Variants in CACNA1B observed in about 807,000 individuals in gnomAD.
CACNA1B encodes the protein voltage-dependent N-type calcium channel subunit alpha-1B.
Under a neutral mutation model 247.2 loss-of-function variants are expected in CACNA1B, and 70 were observed. That is an observed-to-expected ratio of 0.28 (90% CI 0.23 to 0.35). CACNA1B has a LOEUF of 0.35. CACNA1B is among the 10% of genes least tolerant of loss of function. The probability of loss-of-function intolerance (pLI) is 1.00; values close to 1 mark genes in which losing one functional copy is unlikely to be tolerated. For missense variants in CACNA1B, 2,367 were observed against 3,197.4 expected, an observed-to-expected ratio of 0.74 and a Z score of 6.26; for synonymous variants, 1,231 against 1,294.4, an observed-to-expected ratio of 0.95 and a Z score of 1.05.
chr9:137,912,146 A>C (rs952638717), intron 3 of CACNA1B, among the ~76,000 whole-genome samples: 3 of 152,222 alleles, frequency 2.0e-5, no homozygotes, highest in Admixed American at 1.3e-4. Context: ...AGGCAGTTGT[A>C]TATATGAGCC....
chr9:138,107,490 A>G (rs1474282440), intron 39 of CACNA1B, among the ~76,000 whole-genome samples: 3 of 151,602 alleles, frequency 2.0e-5, no homozygotes, highest in Non-Finnish European at 4.4e-5. Flanking sequence ...TCCTTATCCC[A>G]TTTCTGATTC....
intron 6 of CACNA1B, among the ~76,000 whole-genome samples, chr9:137,924,872 G>C (rs1261924306): frequency 6.6e-6 from 1 of 152,238 alleles, no homozygotes; most frequent in Non-Finnish European, 1.5e-5. Context: ...CACAGGGGAT[G>C]AAAGGAAGCG....
Position 138,006,817 on chromosome 9 carries a change from G to C in CACNA1B, c.2025G>C (p.Ser675=). ...WNAVMYHGIE[S]QGGVSKGMFS... is the part of the protein sequence containing the mutation. ...CAGTGATGTATCACGGGATCGAATC[G>C]CAAGGCGGCGTCAGCAAAGGCATGT... Residue 675 remains serine (S), a synonymous_variant, in exon 16 of 47, where the codon TCG becomes TCC. Coordinates refer to ENST00000371372, the MANE Select transcript of CACNA1B (RefSeq NM_000718.4). 6.2e-7 allele frequency: 1 copy of C among 1,611,806 alleles called. No individual in the cohort carries two copies. Among genetic ancestry groups the C allele is most frequent in the East Asian group, 2.2e-5 (1 of 44,880 alleles).
rs996202915 is a variant in CACNA1B, at chr9:137,973,362, G to A, written c.1543+1770G>A. 6.6e-6 allele frequency among the ~76,000 whole-genome samples: 1 copy of A among 152,204 alleles called. No homozygotes were observed. The highest frequency in any genetic ancestry group is 1.5e-5 in the Non-Finnish European group (1 of 68,036). On this transcript the variant is annotated intron_variant, in intron 11 of 46. Transcript: ENST00000371372. This position sits in a 1 kb window ranked among gnomAD's most constrained non-coding sequence, Gnocchi z 4.1. Reference sequence around the variant, plus strand: ...GTAGGACAGGCTTGCCAGAGGCGAGGGGGTGTGGCCGCCCAGCCTAGAGCA... The same window carrying A: ...GTAGGACAGGCTTGCCAGAGGCGAGAGGGTGTGGCCGCCCAGCCTAGAGCA...
At chr9:138,041,175 T>TA (rs1959116201) in intron 20 of CACNA1B, among the ~76,000 whole-genome samples, 2 of 152,202 alleles carry the variant, frequency 1.3e-5, no homozygotes, top group Non-Finnish European at 2.9e-5. Flanking sequence ...AGTCCAGGCT[T>TA]ACTTTAGCCC....
chr9:138,086,267 G>T (rs1960690340), intron 36 of CACNA1B, among the ~76,000 whole-genome samples: 1 of 151,224 alleles, frequency 6.6e-6, no homozygotes, highest in Non-Finnish European at 1.5e-5. Flanking sequence ...CACATATAGA[G>T]TGAAAGTAAA....
intron 15 of CACNA1B, among the ~76,000 whole-genome samples, chr9:138,000,250 C>T (rs545366057): frequency 2.0e-5 from 3 of 152,110 alleles, no homozygotes; most frequent in South Asian, 2.1e-4. Flanking sequence ...AGGCGCCCGC[C>T]ACTACGCCCG....
intron 31 of CACNA1B, among the ~76,000 whole-genome samples, chr9:138,063,524 T>G (rs1959808561): frequency 6.6e-6 from 1 of 152,190 alleles, no homozygotes; most frequent in South Asian, 2.1e-4. Context: ...TCCAAATGAT[T>G]AAGAGTACCT....
Position 137,962,596 on chromosome 9 carries a change from A to G in CACNA1B, c.1333+4909A>G, listed in dbSNP as rs958945019. On this transcript the variant is annotated intron_variant, in intron 10 of 46. Coordinates refer to ENST00000371372, the MANE Select transcript of CACNA1B (RefSeq NM_000718.4). ...TCTGGTATGTTATATCTTTGTTCTC[A>G]TTAGTTTCAAAGAACTTTTTGATTT... is the stretch of plus-strand genomic sequence containing the variant. Among the ~76,000 whole-genome samples, 11 of 152,202 alleles carry G rather than the reference A, an allele frequency of 7.2e-5. No individual in the cohort carries two copies. The East Asian group carries it at 2.1e-3, about 29-fold the overall frequency.
chr9:137,994,708 T>C (rs1401890687), intron 15 of CACNA1B, among the ~76,000 whole-genome samples: 2 of 152,184 alleles, frequency 1.3e-5, no homozygotes, highest in African/African-American at 4.8e-5. Flanking sequence ...AAAGAAATCA[T>C]AGACGACACA....
chr9:137,930,237 T>C (rs1490719391), intron 6 of CACNA1B, among the ~76,000 whole-genome samples: 1 of 152,250 alleles, frequency 6.6e-6, no homozygotes, highest in Non-Finnish European at 1.5e-5. Flanking sequence ...TGTAGGTCTA[T>C]ATGTTTTCCT....
chr9:138,017,078 T>TCTCTCAGAA (rs1958802299), intron 18 of CACNA1B: 1 of 509,604 alleles, frequency 2.0e-6, no homozygotes, highest in South Asian at 1.4e-5. Context: ...TGTCACTGGT[T>TCTCTCAGAA]CTCTCAGAAC....
chr9:138,097,768 A>AC (rs1176443413), intron 37 of CACNA1B, among the ~76,000 whole-genome samples: 16 of 151,786 alleles, frequency 1.1e-4, no homozygotes, highest in Non-Finnish European at 1.8e-4. Flanking sequence ...ACGTGGTCAG[A>AC]CCCCTCATGG....
intron 3 of CACNA1B, among the ~76,000 whole-genome samples, chr9:137,907,167 C>T (rs1396278841): frequency 6.6e-6 from 1 of 152,198 alleles, no homozygotes; most frequent in African/African-American, 2.4e-5. Flanking sequence ...TTTCACAGCT[C>T]TCCTCTACCC....
Position 137,919,491 on chromosome 9 carries a change from C to T in CACNA1B, c.966+2060C>T, listed in dbSNP as rs78612861. Among the ~76,000 whole-genome samples, 17 of 152,352 alleles carry T rather than the reference C, an allele frequency of 1.1e-4. No individual in the cohort carries two copies. The East Asian group carries it at 3.1e-3, about 28-fold the overall frequency. On this transcript the variant is annotated intron_variant, in intron 6 of 46. Coordinates refer to ENST00000371372, the MANE Select transcript of CACNA1B (RefSeq NM_000718.4). This position sits in a 1 kb window ranked among gnomAD's most constrained non-coding sequence, Gnocchi z 4.6. ...CACACAAGGCCCCAGAGCAGGTAGCCAAGAACCGACCAGTCCGCTCCTCCA... is the reference window on the plus strand; with the variant it reads ...CACACAAGGCCCCAGAGCAGGTAGCTAAGAACCGACCAGTCCGCTCCTCCA...
intron 36 of CACNA1B, among the ~76,000 whole-genome samples, chr9:138,095,944 G>A (rs182843345): frequency 2.0e-5 from 3 of 151,690 alleles, no homozygotes; most frequent in South Asian, 4.2e-4. Context: ...CAGGGGGTTG[G>A]GGGGGCGGGG....
At chr9:137,949,294 TTTGTGTCTG>T (rs1403133348) in intron 6 of CACNA1B, among the ~76,000 whole-genome samples, 778 of 53,528 alleles carry the variant, frequency 0.015, no homozygotes, top group African/African-American at 0.022. Flanking sequence ...TTGCGTGTCC[TTTGTGTCTG>T]GTGTGTGTGG....
intron 6 of CACNA1B, among the ~76,000 whole-genome samples, chr9:137,927,164 T>C (rs185868103): frequency 4.4e-4 from 67 of 152,316 alleles, no homozygotes; most frequent in Middle Eastern, 3.4e-3. Context: ...TTACTTTTTT[T>C]AGGTCTCACA....
At chr9:138,098,880 C>T (rs1330216671) in intron 37 of CACNA1B, among the ~76,000 whole-genome samples, 1 of 152,168 alleles carries the variant, frequency 6.6e-6, no homozygotes, top group East Asian at 1.9e-4. Flanking sequence ...CTGGGCTCAC[C>T]CTACGTAGTC....
Sources: allele counts gnomAD v4.1 joint callset (sites outside exome capture counted in the v4.1 genomes callset), GRCh38; gene constraint gnomAD v4.1.1; non-coding constraint Gnocchi (gnomAD v3.1); transcripts MANE v1.5; gene names NCBI Gene and HGNC (gene_info 2026-07-23, HGNC 2026-07-21).